The following UBR2 variants were observed in gnomAD, a reference collection of about 807,000 sequenced individuals.
UBR2 encodes the protein ubiquitin protein ligase E3 component n-recognin 2.
Under a neutral mutation model 247.9 loss-of-function variants are expected in UBR2, and 92 were observed. The ratio of observed to expected loss-of-function variants is 0.37; its 90% CI spans 0.31 to 0.44. UBR2 has a LOEUF of 0.44. UBR2 is among the 20% of genes least tolerant of loss of function. The pLI, the probability that UBR2 is intolerant of heterozygous loss-of-function variation, is 1.00. For missense variants in UBR2, 1,613 were observed against 2,112.6 expected, an observed-to-expected ratio of 0.76 and a Z score of 4.64; for synonymous variants, 672 against 693.5, an observed-to-expected ratio of 0.97 and a Z score of 0.49.
At chr6:42,654,717 G>A (rs10807282) in intron 25 of UBR2, among the ~76,000 whole-genome samples, 38,085 of 151,952 alleles carry the variant, frequency 0.25, 5,129 homozygotes, top group East Asian at 0.45. Context: ...GGGAGACTCC[G>A]TCTCAAAAAA....
At position 42,641,600 on chromosome 6, in the gene UBR2, A is replaced by G; in HGVS notation, c.1939A>G (p.Met647Val). ...LLPLSELSPP[M>V]LIEHPLRCLV... ...TATATAGAGTGAACTTAGCCCACCC[A>G]TGTTGATAGAACACCCTCTTAGATG... is the stretch of plus-strand genomic sequence containing the variant. Residue 647 changes from methionine (M) to valine (V), a missense_variant, in exon 17 of 47, where the codon ATG (methionine) becomes GTG (valine). Coordinates refer to ENST00000372901, the MANE Select transcript of UBR2 (RefSeq NM_001363705.2). The G allele has an allele frequency of 6.3e-7, 1 of 1,595,770 alleles. No individual in the cohort carries two copies. Among genetic ancestry groups the G allele is most frequent in the Non-Finnish European group, 8.5e-7 (1 of 1,174,548 alleles).
At chr6:42,613,725 A>AT (rs1794237526) in intron 8 of UBR2, among the ~76,000 whole-genome samples, 2 of 152,078 alleles carry the variant, frequency 1.3e-5, no homozygotes, top group African/African-American at 4.8e-5. Context: ...TTTCTTTGAG[A>AT]TATTAATCAT....
chr6:42,640,183 T>C, intron 15 of UBR2, 26 bp from the exon 16 acceptor site: 1 of 1,581,130 alleles, frequency 6.3e-7, no homozygotes, highest in Non-Finnish European at 8.6e-7. Context: ...ATAGAAATAC[T>C]GTTTTTTGTT....
chr6:42,628,519 C>T (rs1795493235), intron 11 of UBR2, among the ~76,000 whole-genome samples: 1 of 151,886 alleles, frequency 6.6e-6, no homozygotes, highest in African/African-American at 2.4e-5. Flanking sequence ...GTCAGGAGTT[C>T]GAGACCAGCC....
intron 2 of UBR2, among the ~76,000 whole-genome samples, chr6:42,588,384 T>C (rs1792431756): frequency 6.6e-6 from 1 of 152,138 alleles, no homozygotes; most frequent in African/African-American, 2.4e-5. Flanking sequence ...CGAATTTTTA[T>C]AGGGGCCAGG....
intron 2 of UBR2, among the ~76,000 whole-genome samples, chr6:42,586,536 CTCTTT>C (rs1280565643): frequency 7.1e-5 from 6 of 84,072 alleles, no homozygotes; most frequent in Non-Finnish European, 1.1e-4. Context: ...CAGTTTGTCT[CTCTTT>C]TTTTTTTTTT....
chr6:42,657,069 T>C (rs1179103288), intron 26 of UBR2, among the ~76,000 whole-genome samples: 1 of 151,842 alleles, frequency 6.6e-6, no homozygotes, highest in Non-Finnish European at 1.5e-5. Context: ...ACCCTGTCTC[T>C]ACCAAAAATA....
chr6:42,681,505 G>A (rs1275968818), intron 42 of UBR2, among the ~76,000 whole-genome samples: 5 of 152,202 alleles, frequency 3.3e-5, no homozygotes, highest in African/African-American at 1.2e-4. Context: ...ACGAAAAGAT[G>A]CTCAACATCA....
intron 28 of UBR2, 103 bp downstream of exon 28, chr6:42,658,423 A>G (rs1797566584): frequency 3.4e-6 from 4 of 1,186,696 alleles, no homozygotes; most frequent in Non-Finnish European, 1.2e-6. Context: ...CACAACATTT[A>G]AATTCCAAGA....
chr6:42,609,903 A>G (rs927718956), intron 7 of UBR2, among the ~76,000 whole-genome samples: 1 of 151,692 alleles, frequency 6.6e-6, no homozygotes, highest in Non-Finnish European at 1.5e-5. Flanking sequence ...TACAAAAAAA[A>G]AAAAAGAAAA....
intron 25 of UBR2, 44 bp downstream of exon 25, chr6:42,652,689 G>C (rs746440580): frequency 1.3e-6 from 2 of 1,539,208 alleles, no homozygotes; most frequent in South Asian, 1.2e-5. Flanking sequence ...GTATTTTATA[G>C]TACAAGCAAA....
chr6:42,639,379 G>C (rs1239141979), intron 15 of UBR2, among the ~76,000 whole-genome samples: 2 of 152,146 alleles, frequency 1.3e-5, no homozygotes, highest in Non-Finnish European at 2.9e-5. Flanking sequence ...GATCACCTGA[G>C]GTCAGGAGTT....
intron 4 of UBR2, among the ~76,000 whole-genome samples, chr6:42,602,762 G>A (rs1412989487): frequency 1.8e-4 from 8 of 44,398 alleles, no homozygotes; most frequent in African/African-American, 6.5e-4. Flanking sequence ...CTGTGTGTGC[G>A]TGTGTGTGTG....
In UBR2 at chr6:42,659,770, G is replaced by A; in HGVS notation, c.3357G>A (p.Val1119=). The change falls in exon 30 of 47, where the codon GTG becomes GTA. Residue 1119 remains valine, a synonymous_variant. Transcript: ENST00000372901. The surrounding 1 kb of genome is among the most constrained non-coding windows in gnomAD (Gnocchi z 4.3). ...GTCAAGAGGAGCAAGAAGTTAAAGT[G>A]GAAAGCAGGGCAATGGTCTTGGCAG... The part of the protein sequence containing the change: ...ILCQEEQEVK[V]ESRAMVLAAF... 1 of 1,614,156 alleles carries A rather than the reference G, an allele frequency of 6.2e-7. No individual in the cohort carries two copies. Among genetic ancestry groups the A allele is most frequent in the Non-Finnish European group, 8.5e-7 (1 of 1,180,032 alleles).
intron 41 of UBR2, 99 bp from the exon 42 acceptor site, chr6:42,679,625 T>A (rs759875129): frequency 1.3e-4 from 113 of 856,542 alleles, no homozygotes; most frequent in Non-Finnish European, 7.4e-5. Flanking sequence ...AAATTGGAAG[T>A]CTTTCATCCT....
At chr6:42,591,748 G>A (rs759368133) in intron 2 of UBR2, among the ~76,000 whole-genome samples, 11 of 152,016 alleles carry the variant, frequency 7.2e-5, no homozygotes, top group Non-Finnish European at 1.0e-4. Flanking sequence ...AAGACCCTTG[G>A]TCTCAAATAC....
chr6:42,686,249 T>A (rs1361005360), intron 44 of UBR2, among the ~76,000 whole-genome samples: 1 of 152,054 alleles, frequency 6.6e-6, no homozygotes. Flanking sequence ...TTTGTGTCCC[T>A]GGGTACTTGA....
chr6:42,636,990 C>CA, intron 14 of UBR2, 21 bp from the exon 15 acceptor site: 1 of 1,595,928 alleles, frequency 6.3e-7, no homozygotes, highest in African/African-American at 1.3e-5. Flanking sequence ...GAGTAACTTA[C>CA]AGAAAAACCC....
chr6:42,589,429 C>T (rs1028639450), intron 2 of UBR2, among the ~76,000 whole-genome samples: 1 of 152,118 alleles, frequency 6.6e-6, no homozygotes, highest in Non-Finnish European at 1.5e-5. Context: ...TTTGCTAATA[C>T]TTTGTTATTT....
Sources: allele counts gnomAD v4.1 joint callset (sites outside exome capture counted in the v4.1 genomes callset), GRCh38; gene constraint gnomAD v4.1.1; non-coding constraint Gnocchi (gnomAD v3.1); transcripts MANE v1.5; gene names NCBI Gene and HGNC (gene_info 2026-07-23, HGNC 2026-07-21).